Variants in GLG1 observed in about 807,000 individuals in gnomAD.
The protein encoded by GLG1 is golgi glycoprotein 1.
A neutral mutation model predicts 160.5 loss-of-function variants in GLG1; 38 were observed. That is an observed-to-expected ratio of 0.24 (90% CI 0.18 to 0.31). GLG1 has a LOEUF of 0.31. GLG1 is among the 10% of genes least tolerant of loss of function. GLG1 has a pLI of 1.00. For missense variants in GLG1, 1,373 were observed against 1,505.2 expected (o/e 0.91, Z 1.45); for synonymous variants, 644 against 543.4 (o/e 1.19, Z -2.57).
At position 74,462,085 on chromosome 16, in the gene GLG1, A is replaced by C. The variant is rs761175699; in HGVS notation, c.3036+9T>G. 3 of 1,510,610 alleles carry C rather than the reference A, an allele frequency of 2.0e-6. No individual in the cohort carries two copies. The highest frequency in any genetic ancestry group is 2.8e-6 in the Non-Finnish European group (3 of 1,088,494). The allele number at this position is 1,510,610 out of a possible 1,614,324, so 93.6% of individuals were successfully genotyped here. A position where few individuals can be genotyped will look rare whatever the true frequency, so the allele number is the denominator to read the frequency against. On this transcript the variant is annotated intron_variant, in intron 22 of 25. Coordinates refer to ENST00000422840, the MANE Select transcript of GLG1 (RefSeq NM_001145667.2). ...TCTGTGCGTAACCAGTTTTGCACGC[A>C]AATCCCACCTCGTCTGAGCAGTGCA...
chr16:74,571,064 G>A (rs1211562626), intron 1 of GLG1, among the ~76,000 whole-genome samples: 1 of 151,886 alleles, frequency 6.6e-6, no homozygotes, highest in Non-Finnish European at 1.5e-5. Context: ...TGACATCAGA[G>A]GACTGAAAAG....
rs2018137314 is a variant in GLG1 at position 74,549,390 on chromosome 16, T to G, written c.439-17237A>C. On this transcript the variant is annotated intron_variant, in intron 1 of 25. Coordinates refer to ENST00000422840, the MANE Select transcript of GLG1 (RefSeq NM_001145667.2). Reference sequence around the variant, plus strand: ...CTCACTGTAAGCTCCGCCTCCTGGGTTCACGCCATTCTCCTGCCTCAGCCT... The same window carrying G: ...CTCACTGTAAGCTCCGCCTCCTGGGGTCACGCCATTCTCCTGCCTCAGCCT... 2.0e-5 allele frequency among the ~76,000 whole-genome samples: 3 copies of G among 152,038 alleles called. No homozygotes were observed. In the South Asian group the frequency reaches 6.2e-4, roughly 32 times the overall value.
intron 4 of GLG1, among the ~76,000 whole-genome samples, chr16:74,498,070 A>G (rs965955449): frequency 3.9e-5 from 6 of 152,148 alleles, no homozygotes; most frequent in Admixed American, 1.3e-4. Flanking sequence ...GTCCTAATCT[A>G]TACTTACAAG....
chr16:74,560,137 T>A (rs750241728), intron 1 of GLG1, among the ~76,000 whole-genome samples: 1 of 151,982 alleles, frequency 6.6e-6, no homozygotes, highest in Non-Finnish European at 1.5e-5. Flanking sequence ...ACGGTGCTGT[T>A]TTTGGATGAG....
At chr16:74,525,565 G>C (rs1218387219) in intron 2 of GLG1, among the ~76,000 whole-genome samples, 1 of 149,438 alleles carries the variant, frequency 6.7e-6, no homozygotes, top group East Asian at 1.9e-4. Flanking sequence ...CAAACTGCTG[G>C]GATTAAAGGT....
rs886425243 is a variant in GLG1, at chr16:74,496,487, T to C, written c.932A>G (p.His311Arg). ...ATCATCTCGGCAAGCAAAATATAAA[T>C]GCCGGTCTAAGTGAAAGTCATCCGA... ...LSSDDFHLDR[H>R]LYFACRDDRE... is the part of the protein sequence containing the mutation. The change falls in exon 5 of 26, where the codon CAT becomes CGT. Residue 311 changes from histidine to arginine, a missense_variant. Around this residue, in one of 4 missense-constraint regions of GLG1, gnomAD observed 174 missense variants for 229.9 expected, o/e 0.76. Coordinates refer to ENST00000422840, the MANE Select transcript of GLG1 (RefSeq NM_001145667.2). 3.1e-6 allele frequency: 5 copies of C among 1,614,074 alleles called. No individual in the cohort carries two copies. Among genetic ancestry groups the C allele is most frequent in the Non-Finnish European group, 4.2e-6 (5 of 1,179,960 alleles).
intron 2 of GLG1, among the ~76,000 whole-genome samples, chr16:74,510,309 G>A (rs1461376617): frequency 1.3e-5 from 2 of 152,188 alleles, no homozygotes; most frequent in Non-Finnish European, 2.9e-5. Context: ...GGCATTACAA[G>A]AGTGAGCCAC....
intron 20 of GLG1, 174 bp from the exon 21 acceptor site, chr16:74,462,804 A>G: frequency 1.6e-6 from 1 of 639,778 alleles, no homozygotes. Flanking sequence ...AATCAGCAAT[A>G]TGACTTGTTA....
At chr16:74,568,906 G>A (rs2018738411) in intron 1 of GLG1, among the ~76,000 whole-genome samples, 1 of 152,178 alleles carries the variant, frequency 6.6e-6, no homozygotes, top group Non-Finnish European at 1.5e-5. Flanking sequence ...AAGCAATAAA[G>A]AGCTAAAAAT....
chr16:74,526,955 T>A (rs1235763372), intron 2 of GLG1, among the ~76,000 whole-genome samples: 1 of 152,196 alleles, frequency 6.6e-6, no homozygotes, highest in Non-Finnish European at 1.5e-5. Flanking sequence ...TCTCAGGGCA[T>A]AATCTGTGTT....
At chr16:74,563,613 G>T (rs1408783358) in intron 1 of GLG1, among the ~76,000 whole-genome samples, 1 of 151,782 alleles carries the variant, frequency 6.6e-6, no homozygotes, top group Non-Finnish European at 1.5e-5. Context: ...TGTAGTCCCA[G>T]CTATTTGCGA....
At chr16:74,589,249 T>A (rs1258601275) in intron 1 of GLG1, among the ~76,000 whole-genome samples, 1 of 104,460 alleles carries the variant, frequency 9.6e-6, no homozygotes, top group Non-Finnish European at 1.9e-5. Flanking sequence ...AGTGAAACTC[T>A]CTGTCTCAAA....
Position 74,521,721 on chromosome 16 carries a change from C to T in GLG1, c.471+10400G>A, listed in dbSNP as rs1246897506. Among the ~76,000 whole-genome samples, 5 of 152,140 alleles carry T rather than the reference C, an allele frequency of 3.3e-5. No homozygotes were observed. The East Asian group carries it at 9.6e-4, about 29-fold the overall frequency. ...TGGAAAGGTCTGGGCTGAAAAAAGA[C>T]AATAACAACAAATTGCCAGGAGGAC... On this transcript the variant is annotated intron_variant, in intron 2 of 25. Coordinates refer to ENST00000422840, the MANE Select transcript of GLG1 (RefSeq NM_001145667.2).
chr16:74,571,439 G>A lies in GLG1; in HGVS notation c.438+35218C>T, dbSNP rs185331274. Among the ~76,000 whole-genome samples the A allele has an allele frequency of 3.3e-4, 51 of 152,290 alleles. No individual in the cohort carries two copies. In the East Asian group the frequency reaches 4.4e-3, roughly 13 times the overall value. ...CAAGTAATCCATGTTTTGGGCAACT[G>A]AGGTGGGAAGATCACTTGAGCCCAG... is the stretch of plus-strand genomic sequence containing the variant. On this transcript the variant is annotated intron_variant, in intron 1 of 25. Transcript: ENST00000422840.
intron 25 of GLG1, chr16:74,456,425 G>A (rs1312433753): frequency 8.4e-6 from 4 of 474,918 alleles, no homozygotes; most frequent in East Asian, 4.3e-5. Flanking sequence ...CTCCCAAAAC[G>A]CTGAGATTAC....
chr16:74,467,867 A>G lies in GLG1; in HGVS notation c.2437-19T>C, dbSNP rs1280995443. On this transcript the variant is annotated intron_variant, in intron 17 of 25. Transcript: ENST00000422840. ...CCTCCGTCTGCATGAGGGAGCCAGC[A>G]TGGAAAGGTGAGCTTGGTTTAGGCT... is the stretch of plus-strand genomic sequence containing the variant. 1.3e-5 allele frequency: 20 copies of G among 1,551,464 alleles called. No individual in the cohort carries two copies. The highest frequency in any genetic ancestry group is 1.2e-4 in the Admixed American group (7 of 58,700).
At chr16:74,586,760 G>A (rs911187922) in intron 1 of GLG1, among the ~76,000 whole-genome samples, 2 of 151,638 alleles carry the variant, frequency 1.3e-5, no homozygotes, top group African/African-American at 4.8e-5. Flanking sequence ...GTGCAGTGGC[G>A]TGATCTCAGC....
chr16:74,591,666 G>A lies in GLG1; in HGVS notation c.438+14991C>T, dbSNP rs114857497. Among the ~76,000 whole-genome samples the A allele has an allele frequency of 7.0e-3, 1,063 of 152,022 alleles. 13 individuals carry two copies. Among genetic ancestry groups the A allele is most frequent in the African/African-American group, 0.024 (1,002 of 41,466 alleles). ...GACTTACAAACCAAAAATTTTTTGC[G>A]CTGTCCTTAACGTATGGCTAAGTTT... On this transcript the variant is annotated intron_variant, in intron 1 of 25. Transcript: ENST00000422840.
At chr16:74,492,252 G>C (rs1284790721) in intron 7 of GLG1, among the ~76,000 whole-genome samples, 7 of 151,238 alleles carry the variant, frequency 4.6e-5, no homozygotes, top group Admixed American at 4.6e-4. Context: ...GGGCATAGTG[G>C]TGCGTGCCTG....
Sources: gnomAD v4.1 joint callset for allele counts (sites outside exome capture counted in the v4.1 genomes callset) on GRCh38, gnomAD v4.1.1 for gene constraint, gnomAD v4.1.1 regional missense constraint, MANE v1.5 for transcripts, NCBI Gene and HGNC (gene_info 2026-07-23, HGNC 2026-07-21) for gene names.